RALYL: variants seen among roughly 807,000 people sequenced by gnomAD.
The protein encoded by RALYL is RNA-binding Raly-like protein.
RALYL carries 29 observed loss-of-function variants against 35.1 expected under a neutral mutation model. The ratio of observed to expected loss-of-function variants is 0.83; its 90% CI spans 0.61 to 1.13. The LOEUF (loss-of-function observed/expected upper bound fraction) is 1.13, where lower values mean the gene tolerates loss of function less well. Ranked by LOEUF, RALYL falls within the 50% of genes most tolerant of loss-of-function variation. RALYL has a pLI of 0.00. For missense variants in RALYL, 359 were observed against 360.4 expected, an observed-to-expected ratio of 1.00 and a Z score of 0.03; for synonymous variants, 120 against 127.6, an observed-to-expected ratio of 0.94 and a Z score of 0.40.
intron 2 of RALYL, among the ~76,000 whole-genome samples, chr8:84,752,853 G>A (rs1038571839): frequency 6.6e-6 from 1 of 152,212 alleles, no homozygotes; most frequent in African/African-American, 2.4e-5. Flanking sequence ...TGGATGTCCA[G>A]GCAGAATACT....
At chr8:84,621,999 C>T (rs932531751) in intron 2 of RALYL, among the ~76,000 whole-genome samples, 2 of 152,162 alleles carry the variant, frequency 1.3e-5, no homozygotes, top group Admixed American at 6.5e-5. Flanking sequence ...TATGAAGTTA[C>T]ATCTGCATAA....
chr8:84,440,195 C>T (rs554216328), intron 1 of RALYL, among the ~76,000 whole-genome samples: 2 of 152,114 alleles, frequency 1.3e-5, no homozygotes, highest in South Asian at 2.1e-4. Flanking sequence ...TTCTTCAGTT[C>T]GCTGACAATA....
At chr8:84,319,091 T>C (rs994619145) in intron 1 of RALYL, among the ~76,000 whole-genome samples, 1 of 152,156 alleles carries the variant, frequency 6.6e-6, no homozygotes, top group African/African-American at 2.4e-5. Flanking sequence ...AATATACATA[T>C]GGCTTACCCA....
intron 1 of RALYL, among the ~76,000 whole-genome samples, chr8:84,342,204 T>C (rs866064894): frequency 2.2e-4 from 32 of 144,294 alleles, no homozygotes; most frequent in South Asian, 1.1e-3. Context: ...AATCTATTAA[T>C]GTCAGTCAAG....
At chr8:84,799,592 GTCTT>G (rs1358006103) in intron 3 of RALYL, among the ~76,000 whole-genome samples, 3 of 152,200 alleles carry the variant, frequency 2.0e-5, no homozygotes, top group African/African-American at 7.2e-5. Flanking sequence ...AATGATTCCA[GTCTT>G]TCTTTTTAGT....
chr8:84,309,750 A>C (rs565563892), intron 1 of RALYL, among the ~76,000 whole-genome samples: 1 of 152,166 alleles, frequency 6.6e-6, no homozygotes, highest in Non-Finnish European at 1.5e-5. Flanking sequence ...ACAGTAAAAA[A>C]CTTCATAAGA....
chr8:84,192,534 T>C (rs1218594612), intron 1 of RALYL, among the ~76,000 whole-genome samples: 6 of 152,030 alleles, frequency 3.9e-5, no homozygotes, highest in African/African-American at 1.5e-4. Flanking sequence ...AATGCAGTGA[T>C]ACATGAAACT....
intron 1 of RALYL, among the ~76,000 whole-genome samples, chr8:84,265,664 TA>T (rs1554595007): frequency 6.6e-6 from 1 of 151,148 alleles, no homozygotes; most frequent in Non-Finnish European, 1.5e-5. Flanking sequence ...AACTGTAAAA[TA>T]AAAAACTTGG....
chr8:84,443,386 G>T lies in RALYL; in HGVS notation c.-23-85913G>T, dbSNP rs2048531534. Among the ~76,000 whole-genome samples, 3 of 152,222 alleles carry T rather than the reference G, an allele frequency of 2.0e-5. No individual in the cohort carries two copies. In the South Asian group the frequency reaches 6.2e-4, roughly 31 times the overall value. On this transcript the variant is annotated intron_variant, in intron 1 of 8. Coordinates refer to ENST00000521268, the MANE Select transcript of RALYL (RefSeq NM_173848.7). Reference sequence around the variant, plus strand: ...AGGAAAGTAACTAGCACATTGCAGAGATTTTTATTTTCAGTTAATGTTTGG... The same window carrying T: ...AGGAAAGTAACTAGCACATTGCAGATATTTTTATTTTCAGTTAATGTTTGG...
rs147103263 is a variant in RALYL at position 84,299,342 on chromosome 8, T to C, written c.-24+114918T>C. Among the ~76,000 whole-genome samples, 796 of 152,162 alleles carry C rather than the reference T, an allele frequency of 5.2e-3. 2 individuals carry two copies. The highest frequency in any genetic ancestry group is 9.4e-3 in the Non-Finnish European group (638 of 67,988). ...CCTACTTGATCGTGGTGGACTAGCT[T>C]TTTGATGTGCTGCTGGATTCAGTTT... On this transcript the variant is annotated intron_variant, in intron 1 of 8. Transcript: ENST00000521268.
At chr8:84,212,602 C>T (rs1819753018) in intron 1 of RALYL, among the ~76,000 whole-genome samples, 1 of 152,002 alleles carries the variant, frequency 6.6e-6, no homozygotes, top group African/African-American at 2.4e-5. Flanking sequence ...ATTCAGGAAA[C>T]AAGACTTGAT....
chr8:84,805,339 G>A (rs1162785875), intron 4 of RALYL, among the ~76,000 whole-genome samples: 5 of 152,132 alleles, frequency 3.3e-5, no homozygotes, highest in East Asian at 1.9e-4. Flanking sequence ...TAGATAAGAC[G>A]AACGCTTGCC....
At chr8:84,901,792 T>A (rs1845738637) in intron 8 of RALYL, among the ~76,000 whole-genome samples, 1 of 152,118 alleles carries the variant, frequency 6.6e-6, no homozygotes. Flanking sequence ...GGAGAGACTC[T>A]TATTTGATTA....
intron 1 of RALYL, among the ~76,000 whole-genome samples, chr8:84,381,312 C>A (rs73298756): frequency 0.028 from 4,277 of 151,734 alleles, 198 homozygotes; most frequent in African/African-American, 0.097. Context: ...GTGTGTATAT[C>A]TGTATGAAAT....
At chr8:84,829,728 C>T (rs569875862) in intron 4 of RALYL, among the ~76,000 whole-genome samples, 7 of 152,234 alleles carry the variant, frequency 4.6e-5, no homozygotes, top group East Asian at 1.9e-4. Flanking sequence ...AAAGTCACAG[C>T]GAACACTGAG....
At chr8:84,749,655 T>C (rs983686079) in intron 2 of RALYL, among the ~76,000 whole-genome samples, 1 of 152,072 alleles carries the variant, frequency 6.6e-6, no homozygotes, top group Non-Finnish European at 1.5e-5. Context: ...GAATGTAGCA[T>C]TGGGAGAGGG....
At chr8:84,794,417 C>T (rs1821452135) in intron 3 of RALYL, among the ~76,000 whole-genome samples, 2 of 152,288 alleles carry the variant, frequency 1.3e-5, no homozygotes, top group Middle Eastern at 3.4e-3. Flanking sequence ...GATTTAACAG[C>T]CATTAGCAAG....
At chr8:84,718,417 A>T (rs764715563) in intron 2 of RALYL, among the ~76,000 whole-genome samples, 1 of 152,122 alleles carries the variant, frequency 6.6e-6, no homozygotes, top group African/African-American at 2.4e-5. Context: ...TCTATTTCTT[A>T]GTTGTTATAG....
chr8:84,786,415 T>C (rs529354777), intron 3 of RALYL, among the ~76,000 whole-genome samples: 9 of 152,142 alleles, frequency 5.9e-5, no homozygotes, highest in Non-Finnish European at 1.3e-4. Context: ...CTGTCTTCCA[T>C]GATGTTTGAA....
Sources: gnomAD v4.1 joint callset for allele counts (sites outside exome capture counted in the v4.1 genomes callset) on GRCh38, gnomAD v4.1.1 for gene constraint, MANE v1.5 for transcripts, NCBI Gene and HGNC (gene_info 2026-07-23, HGNC 2026-07-21) for gene names.